ELAVL2: variants seen among roughly 807,000 people sequenced by gnomAD.
ELAVL2 encodes the protein ELAV like RNA binding protein 2, also known as ELAV-like protein 2.
In ELAVL2, 4 loss-of-function variants were observed where a neutral mutation model predicts 34.6. The observed-to-expected ratio is 0.12, with a 90% CI of 0.06 to 0.26. The LOEUF (loss-of-function observed/expected upper bound fraction) is 0.26. Ranked by LOEUF, ELAVL2 falls within the 10% of genes least tolerant of loss-of-function variation. The pLI is 1.00. For synonymous variants in ELAVL2, 193 were observed against 154.8 expected, an observed-to-expected ratio of 1.25 and a Z score of -1.83; for missense variants, 432 against 442.8, an observed-to-expected ratio of 0.98 and a Z score of 0.22.
intron 3 of ELAVL2, among the ~76,000 whole-genome samples, chr9:23,727,400 C>T (rs548012022): frequency 6.6e-6 from 1 of 152,178 alleles, no homozygotes; most frequent in African/African-American, 2.4e-5. Flanking sequence ...GAATGCTAAA[C>T]GATCGCCCAG....
upstream of ELAVL2, among the ~76,000 whole-genome samples, chr9:23,827,510 G>A (rs2065359855): frequency 6.6e-6 from 1 of 151,778 alleles, no homozygotes; most frequent in Non-Finnish European, 1.5e-5. Flanking sequence ...CAACTTCCTA[G>A]ACAGTTTTTA....
chr9:23,843,031 G>A, the ELAVL2 span, among the ~76,000 whole-genome samples: 7 of 152,102 alleles, frequency 4.6e-5, no homozygotes, highest in African/African-American at 1.4e-4. Context: ...TACTCCTGAA[G>A]CAGCAATCAT....
At chr9:23,698,532 T>C (rs2036055774) in intron 5 of ELAVL2, among the ~76,000 whole-genome samples, 1 of 152,184 alleles carries the variant, frequency 6.6e-6, no homozygotes, top group South Asian at 2.1e-4. Flanking sequence ...TCAATCTCTC[T>C]CAACTCCCAA....
chr9:23,831,867 T>C, the ELAVL2 span, among the ~76,000 whole-genome samples: 3 of 151,642 alleles, frequency 2.0e-5, no homozygotes, highest in South Asian at 6.2e-4. Flanking sequence ...GGCTTAAAAA[T>C]TATTTGGGGA....
At chr9:23,783,097 C>G (rs373766014) in intron 1 of ELAVL2, among the ~76,000 whole-genome samples, 1 of 152,160 alleles carries the variant, frequency 6.6e-6, no homozygotes, top group Non-Finnish European at 1.5e-5. Context: ...ACTCTTATCT[C>G]AAAAGGGCAA....
intron 2 of ELAVL2, among the ~76,000 whole-genome samples, chr9:23,738,130 A>C (rs1452297512): frequency 6.6e-6 from 1 of 152,206 alleles, no homozygotes; most frequent in East Asian, 1.9e-4. Context: ...CAGGCTGTGC[A>C]CTGCAACTCT....
chr9:23,714,226 G>C (rs1383262765), intron 3 of ELAVL2, among the ~76,000 whole-genome samples: 2 of 151,990 alleles, frequency 1.3e-5, no homozygotes, highest in Non-Finnish European at 1.5e-5. Flanking sequence ...CCAATTTATG[G>C]AACAAAAACT....
the ELAVL2 span, among the ~76,000 whole-genome samples, chr9:23,840,536 C>T: frequency 2.6e-5 from 4 of 152,134 alleles, no homozygotes; most frequent in African/African-American, 9.7e-5. Context: ...CTCTGCTGAG[C>T]AGATTAATTG....
chr9:23,703,472 T>C (rs2038185299), intron 4 of ELAVL2, among the ~76,000 whole-genome samples: 1 of 152,174 alleles, frequency 6.6e-6, no homozygotes, highest in African/African-American at 2.4e-5. Flanking sequence ...CTTGACTAAA[T>C]AGTCTCATGA....
intron 2 of ELAVL2, among the ~76,000 whole-genome samples, chr9:23,732,735 T>C (rs576543980): frequency 6.6e-6 from 1 of 152,190 alleles, no homozygotes; most frequent in Non-Finnish European, 1.5e-5. Context: ...TGGTGTTTAC[T>C]GGCTCGCAGT....
chr9:23,795,208 A>G (rs1188839377), intron 1 of ELAVL2, among the ~76,000 whole-genome samples: 1 of 152,168 alleles, frequency 6.6e-6, no homozygotes, highest in Admixed American at 6.6e-5. Context: ...ATTTTATATA[A>G]GATTCCCTAA....
intron 1 of ELAVL2, chr9:23,779,195 G>A (rs1020530346): frequency 2.0e-6 from 2 of 985,242 alleles, no homozygotes; most frequent in Admixed American, 1.2e-4. Context: ...TAAAACAGGA[G>A]GTAAGTGGGG....
intron 1 of ELAVL2, chr9:23,783,574 C>G (rs948924220): frequency 1.2e-6 from 1 of 838,766 alleles, no homozygotes; most frequent in Non-Finnish European, 1.4e-6. Flanking sequence ...CAGAAGAAAA[C>G]AGATATGCCT....
Position 23,804,173 on chromosome 9 carries a change from A to ATTTT in ELAVL2, c.-16+21632_-16+21633insAAAA, listed in dbSNP as rs200046594. On this transcript the variant is annotated intron_variant, in intron 1 of 6. Coordinates refer to ENST00000397312, the MANE Select transcript of ELAVL2 (RefSeq NM_004432.5). ...TAAAAGATGGATTTATTATTTATTT[A>ATTTT]TTTATTTATTTTTTTTTTGAGACGG... Among the ~76,000 whole-genome samples, 6 of 148,464 alleles carry ATTTT rather than the reference A, an allele frequency of 4.0e-5. 1 individual carries two copies. The highest frequency in any genetic ancestry group is 2.7e-4 in the Admixed American group (4 of 14,670).
chr9:23,842,364 G>C, the ELAVL2 span, among the ~76,000 whole-genome samples: 1 of 152,036 alleles, frequency 6.6e-6, no homozygotes, highest in African/African-American at 2.4e-5. Context: ...GGCCACCCTA[G>C]AGGACTGGAG....
At chr9:23,780,288 G>A (rs13301242) in intron 1 of ELAVL2, among the ~76,000 whole-genome samples, 4,401 of 152,166 alleles carry the variant, frequency 0.029, 86 homozygotes, top group East Asian at 0.075. Flanking sequence ...TCTAACAACA[G>A]AGAATTTTCT....
intron 1 of ELAVL2, among the ~76,000 whole-genome samples, chr9:23,815,552 C>T (rs1475843648): frequency 6.6e-6 from 1 of 152,182 alleles, no homozygotes; most frequent in East Asian, 1.9e-4. Flanking sequence ...CCACCTACTA[C>T]CACCTTTCCA....
chr9:23,818,496 A>T (rs2064047369), intron 1 of ELAVL2, among the ~76,000 whole-genome samples: 1 of 152,046 alleles, frequency 6.6e-6, no homozygotes, highest in South Asian at 2.1e-4. Flanking sequence ...CCCCACACAC[A>T]CTCAAATGTG....
chr9:23,747,742 AC>A (rs1201614369), intron 2 of ELAVL2, among the ~76,000 whole-genome samples: 1 of 152,072 alleles, frequency 6.6e-6, no homozygotes, highest in Non-Finnish European at 1.5e-5. Context: ...AACTCTTACA[AC>A]CCAGGGGAGG....
Sources: gnomAD v4.1 joint callset for allele counts (sites outside exome capture counted in the v4.1 genomes callset) on GRCh38, gnomAD v4.1.1 for gene constraint, MANE v1.5 for transcripts, NCBI Gene and HGNC (gene_info 2026-07-23, HGNC 2026-07-21) for gene names.